Variants in PHACTR1 observed in about 807,000 individuals in gnomAD.
PHACTR1 encodes RPEL repeat containing 1.
Under a neutral mutation model 69.2 loss-of-function variants are expected in PHACTR1, and 16 were observed. That is an observed-to-expected ratio of 0.23 (90% CI 0.16 to 0.35). The LOEUF is 0.35. Ranked by LOEUF, PHACTR1 falls within the 10% of genes least tolerant of loss-of-function variation. The pLI, the probability that PHACTR1 is intolerant of heterozygous loss-of-function variation, is 1.00. For missense variants in PHACTR1, 510 were observed against 734.7 expected (o/e 0.69, Z 3.54); for synonymous variants, 312 against 284.5 (o/e 1.10, Z -0.97).
chr6:13,265,256 C>G (rs952446358), intron 10 of PHACTR1, among the ~76,000 whole-genome samples: 3 of 152,094 alleles, frequency 2.0e-5, no homozygotes, highest in Non-Finnish European at 4.4e-5. Flanking sequence ...GTGCTAAACC[C>G]AGTGGGCATT....
chr6:12,999,594 G>A (rs1407396708), intron 4 of PHACTR1, among the ~76,000 whole-genome samples: 1 of 152,148 alleles, frequency 6.6e-6, no homozygotes, highest in Non-Finnish European at 1.5e-5. Context: ...GTGAGACTCT[G>A]TCTCAGAAAA....
At chr6:12,846,265 A>G (rs1036300310) in intron 4 of PHACTR1, among the ~76,000 whole-genome samples, 1 of 152,224 alleles carries the variant, frequency 6.6e-6, no homozygotes, top group African/African-American at 2.4e-5. Context: ...GAATGGATTG[A>G]TAAATGTTGA....
At chr6:13,165,596 A>G (rs1759680638) in intron 6 of PHACTR1, among the ~76,000 whole-genome samples, 1 of 152,208 alleles carries the variant, frequency 6.6e-6, no homozygotes, top group Non-Finnish European at 1.5e-5. Flanking sequence ...AGCGCTCTGA[A>G]GAAAAATGAA....
intron 4 of PHACTR1, among the ~76,000 whole-genome samples, chr6:13,014,414 A>G (rs1400451688): frequency 2.0e-5 from 3 of 152,156 alleles, no homozygotes; most frequent in African/African-American, 7.2e-5. Context: ...TGGGATTTTC[A>G]TTTGGGAAGC....
chr6:13,207,629 C>T (rs796081976), intron 8 of PHACTR1, among the ~76,000 whole-genome samples: 7 of 152,252 alleles, frequency 4.6e-5, no homozygotes, highest in African/African-American at 1.4e-4. Context: ...CCGCCACCTA[C>T]CTCACATCCA....
At chr6:13,007,121 T>C (rs967959221) in intron 4 of PHACTR1, among the ~76,000 whole-genome samples, 2 of 152,256 alleles carry the variant, frequency 1.3e-5, no homozygotes, top group African/African-American at 2.4e-5. Flanking sequence ...TCATTCTTTT[T>C]AGTGGCATCA....
chr6:12,820,469 C>A (rs1776083505), intron 4 of PHACTR1, among the ~76,000 whole-genome samples: 1 of 152,202 alleles, frequency 6.6e-6, no homozygotes, highest in Non-Finnish European at 1.5e-5. Flanking sequence ...TGTGAGCCAC[C>A]TCACCTAGCC....
intron 4 of PHACTR1, among the ~76,000 whole-genome samples, chr6:12,897,516 G>T (rs1784778480): frequency 6.6e-6 from 1 of 151,944 alleles, no homozygotes; most frequent in African/African-American, 2.4e-5. Flanking sequence ...ATTGCCATAG[G>T]CTATCACCCT....
At chr6:12,786,432 A>G (rs530176288) in intron 4 of PHACTR1, among the ~76,000 whole-genome samples, 7 of 152,236 alleles carry the variant, frequency 4.6e-5, no homozygotes, top group Non-Finnish European at 7.3e-5. Flanking sequence ...TACAGTCCAG[A>G]GTGGAATGTC....
At chr6:13,229,724 T>TC (rs1447046387) in intron 9 of PHACTR1, among the ~76,000 whole-genome samples, 3 of 152,130 alleles carry the variant, frequency 2.0e-5, no homozygotes, top group Non-Finnish European at 4.4e-5. Flanking sequence ...CTCTGTCCTA[T>TC]CTCCCCCTTT....
intron 4 of PHACTR1, among the ~76,000 whole-genome samples, chr6:12,930,774 G>A (rs1423269498): frequency 6.6e-6 from 1 of 152,140 alleles, no homozygotes; most frequent in Non-Finnish European, 1.5e-5. Context: ...AAATGAGCCG[G>A]GCACAGTGGC....
intron 5 of PHACTR1, among the ~76,000 whole-genome samples, chr6:13,056,156 G>A (rs1015983281): frequency 3.9e-5 from 6 of 152,144 alleles, no homozygotes; most frequent in Non-Finnish European, 7.4e-5. Context: ...TCTTGCAATC[G>A]CAACATTTTG....
Position 12,726,930 on chromosome 6 carries a change from T to C in PHACTR1, c.103+8083T>C, listed in dbSNP as rs181993832. 2.0e-5 allele frequency among the ~76,000 whole-genome samples: 3 copies of C among 152,366 alleles called. No individual in the cohort carries two copies. The East Asian group carries it at 5.8e-4, about 29-fold the overall frequency. ...TGTAATCATACTGTTTTCCAGACCT[T>C]TGTCTCTGAGAAGTGCTTCAGATGA... On this transcript the variant is annotated intron_variant, in intron 3 of 14. Transcript: ENST00000332995.
At chr6:12,877,736 G>A (rs1466904708) in intron 4 of PHACTR1, among the ~76,000 whole-genome samples, 2 of 152,152 alleles carry the variant, frequency 1.3e-5, no homozygotes, top group East Asian at 3.8e-4. Context: ...GAGGATTCAT[G>A]TCCCCACGCT....
At chr6:13,277,533 C>A (rs1779170049) in intron 11 of PHACTR1, among the ~76,000 whole-genome samples, 1 of 152,146 alleles carries the variant, frequency 6.6e-6, no homozygotes, top group Non-Finnish European at 1.5e-5. Context: ...AAGGACTATA[C>A]CACAATGAGC....
At chr6:13,050,877 A>G (rs557232411) in intron 4 of PHACTR1, among the ~76,000 whole-genome samples, 1 of 152,318 alleles carries the variant, frequency 6.6e-6, no homozygotes, top group Non-Finnish European at 1.5e-5. Context: ...TCTCATGTTT[A>G]TCCAGAGAGT....
intron 4 of PHACTR1, among the ~76,000 whole-genome samples, chr6:12,993,683 C>T (rs560503367): frequency 6.6e-6 from 1 of 152,184 alleles, no homozygotes; most frequent in Non-Finnish European, 1.5e-5. Context: ...GCTGTAAGCC[C>T]AGGGGATCTC....
intron 4 of PHACTR1, among the ~76,000 whole-genome samples, chr6:12,971,972 A>G (rs1172130359): frequency 6.6e-6 from 1 of 152,238 alleles, no homozygotes; most frequent in African/African-American, 2.4e-5. Flanking sequence ...TGAGAGGAAG[A>G]GAACTGACTT....
intron 4 of PHACTR1, among the ~76,000 whole-genome samples, chr6:13,030,470 T>C (rs973546430): frequency 6.6e-6 from 1 of 152,218 alleles, no homozygotes; most frequent in South Asian, 2.1e-4. Flanking sequence ...TTCAATTAAA[T>C]AGGAAATCTG....
Sources: gnomAD v4.1 joint callset for allele counts (sites outside exome capture counted in the v4.1 genomes callset) on GRCh38, gnomAD v4.1.1 for gene constraint, MANE v1.5 for transcripts, NCBI Gene and HGNC (gene_info 2026-07-23, HGNC 2026-07-21) for gene names.